Variants in PTPRD observed in about 807,000 individuals in gnomAD.
PTPRD encodes the protein protein tyrosine phosphatase receptor type D.
A neutral mutation model predicts 214.5 loss-of-function variants in PTPRD; 34 were observed. The observed-to-expected ratio is 0.16, with a 90% CI of 0.12 to 0.21. The LOEUF is 0.21. Ranked by LOEUF, PTPRD falls within the 10% of genes least tolerant of loss-of-function variation. The pLI is 1.00. For missense variants in PTPRD, 2,545 were observed against 2,398.7 expected, an observed-to-expected ratio of 1.06 and a Z score of -1.27; for synonymous variants, 1,128 against 845.7, an observed-to-expected ratio of 1.33 and a Z score of -5.79.
chr9:9,333,472 A>G lies in PTPRD; in HGVS notation c.-203+63977T>C, dbSNP rs188274067. 2.6e-3 allele frequency among the ~76,000 whole-genome samples: 360 copies of G among 139,414 alleles called. 1 individual carries two copies. Among genetic ancestry groups the G allele is most frequent in the African/African-American group, 9.6e-3 (344 of 35,760 alleles). 91.5% of individuals were successfully genotyped at this position (139,414 alleles called of 152,430 possible). On this transcript the variant is annotated intron_variant, in intron 9 of 45. Transcript: ENST00000381196. ...GCTACTTGGAAACAATGATATATAAATATATATAAAACATATATATTATAT... is the reference window on the plus strand; with the variant it reads ...GCTACTTGGAAACAATGATATATAAGTATATATAAAACATATATATTATAT...
intron 7 of PTPRD, among the ~76,000 whole-genome samples, chr9:9,651,140 C>A (rs992529687): frequency 1.3e-5 from 2 of 152,158 alleles, no homozygotes; most frequent in East Asian, 3.9e-4. Flanking sequence ...ATCACCAAAT[C>A]ATTGGTTCTT....
chr9:10,309,579 G>A (rs999985593), intron 3 of PTPRD, among the ~76,000 whole-genome samples: 1 of 150,098 alleles, frequency 6.7e-6, no homozygotes, highest in East Asian at 2.0e-4. Context: ...TGGTCAGGCT[G>A]GTTTCAAACT....
chr9:8,351,704 T>C (rs1008231455), intron 39 of PTPRD, among the ~76,000 whole-genome samples: 2 of 122,318 alleles, frequency 1.6e-5, no homozygotes, highest in African/African-American at 6.7e-5. Flanking sequence ...TAAGGGGATA[T>C]AGGAGTCATT....
At chr9:10,414,566 G>C (rs1011732307) in intron 2 of PTPRD, among the ~76,000 whole-genome samples, 114 of 151,912 alleles carry the variant, frequency 7.5e-4, no homozygotes, top group Admixed American at 7.4e-3. Flanking sequence ...ACTGTGATTT[G>C]ACTCAGCAAT....
rs147255118 is a variant in PTPRD at position 8,526,737 on chromosome 9, G to T, written c.551-93C>A. On this transcript the variant is annotated intron_variant, in intron 16 of 45. Coordinates refer to ENST00000381196, the MANE Select transcript of PTPRD (RefSeq NM_002839.4). ...AGGGCTGGGGAGAAGAATTAAATTAGATTTACAGAATTAAATAAGGTCTTA... is the reference window on the plus strand; with the variant it reads ...AGGGCTGGGGAGAAGAATTAAATTATATTTACAGAATTAAATAAGGTCTTA... The T allele has an allele frequency of 4.2e-4, 430 of 1,019,310 alleles. 2 individuals are homozygous for T. Among genetic ancestry groups the T allele is most frequent in the Non-Finnish European group, 5.7e-4 (400 of 702,242 alleles). The allele number at this position is 1,019,310 out of a possible 1,614,324, so 63.1% of individuals were successfully genotyped here. A position where few individuals can be genotyped will look rare whatever the true frequency, so the allele number is the denominator to read the frequency against.
intron 9 of PTPRD, among the ~76,000 whole-genome samples, chr9:9,335,976 A>C (rs943097301): frequency 5.9e-5 from 9 of 152,102 alleles, no homozygotes; most frequent in African/African-American, 2.2e-4. Flanking sequence ...ACTTTCAAAA[A>C]AGAAAGAAAG....
At chr9:8,601,878 G>A (rs1369689135) in intron 14 of PTPRD, among the ~76,000 whole-genome samples, 1 of 152,196 alleles carries the variant, frequency 6.6e-6, no homozygotes, top group Non-Finnish European at 1.5e-5. Context: ...CCTAGTCATT[G>A]TGCCAGATTG....
chr9:9,945,771 G>A (rs2092454649), intron 4 of PTPRD, among the ~76,000 whole-genome samples: 1 of 152,060 alleles, frequency 6.6e-6, no homozygotes, highest in Non-Finnish European at 1.5e-5. Context: ...ATGCTGAAAA[G>A]CAAACCTTAA....
chr9:9,930,469 G>C (rs1338866059), intron 5 of PTPRD, among the ~76,000 whole-genome samples: 1 of 152,122 alleles, frequency 6.6e-6, no homozygotes, highest in Admixed American at 6.5e-5. Flanking sequence ...TTTCTTGTAT[G>C]TTTGAGTTTT....
chr9:8,926,147 C>T (rs1357487976), intron 11 of PTPRD, among the ~76,000 whole-genome samples: 1 of 152,032 alleles, frequency 6.6e-6, no homozygotes, highest in Non-Finnish European at 1.5e-5. Context: ...CATCATACTC[C>T]ATTTGCCCAA....
intron 5 of PTPRD, among the ~76,000 whole-genome samples, chr9:9,785,193 G>A (rs1012126793): frequency 6.6e-6 from 1 of 151,748 alleles, no homozygotes; most frequent in African/African-American, 2.4e-5. Context: ...ATATAGAAAG[G>A]ATCAGAAAAA....
At chr9:9,907,835 T>G (rs1269421500) in intron 5 of PTPRD, among the ~76,000 whole-genome samples, 1 of 152,156 alleles carries the variant, frequency 6.6e-6, no homozygotes, top group Non-Finnish European at 1.5e-5. Flanking sequence ...AGTGAATCAC[T>G]TAACAGTTGT....
intron 9 of PTPRD, among the ~76,000 whole-genome samples, chr9:9,329,161 G>T (rs775707253): frequency 6.6e-6 from 1 of 151,906 alleles, no homozygotes; most frequent in African/African-American, 2.4e-5. Context: ...TAATGACAAC[G>T]AGAGTCATCC....
intron 14 of PTPRD, among the ~76,000 whole-genome samples, chr9:8,561,267 C>T (rs138725499): frequency 6.6e-6 from 1 of 152,194 alleles, no homozygotes; most frequent in African/African-American, 2.4e-5. Context: ...ACTCCTCATT[C>T]TGAGTCCATA....
chr9:9,019,677 T>C (rs527482212), intron 10 of PTPRD, among the ~76,000 whole-genome samples: 1 of 152,090 alleles, frequency 6.6e-6, no homozygotes, highest in African/African-American at 2.4e-5. Flanking sequence ...CTGCACTCCA[T>C]CCCAGGTGAC....
chr9:8,542,945 A>G (rs2078867604), intron 14 of PTPRD, among the ~76,000 whole-genome samples: 1 of 152,202 alleles, frequency 6.6e-6, no homozygotes, highest in Non-Finnish European at 1.5e-5. Flanking sequence ...TGAGCATGCA[A>G]GGGTAGTTTC....
At chr9:9,241,454 G>A in intron 9 of PTPRD, among the ~76,000 whole-genome samples, 1 of 152,084 alleles carries the variant, frequency 6.6e-6, no homozygotes, top group East Asian at 1.9e-4. Flanking sequence ...TGACTGGAAT[G>A]ACATATTTTA....
chr9:10,278,806 G>C (rs529974511), intron 3 of PTPRD, among the ~76,000 whole-genome samples: 6,598 of 151,376 alleles, frequency 0.044, 390 homozygotes, highest in Admixed American at 0.16. Flanking sequence ...ATGGAGTCTC[G>C]CTCTGTTGCC....
At chr9:8,834,684 A>C (rs1014455021) in intron 11 of PTPRD, among the ~76,000 whole-genome samples, 3 of 152,208 alleles carry the variant, frequency 2.0e-5, no homozygotes, top group Admixed American at 1.3e-4. Flanking sequence ...GAGACAAAGA[A>C]AGTGAGGATC....
Sources: allele counts gnomAD v4.1 joint callset (sites outside exome capture counted in the v4.1 genomes callset), GRCh38; gene constraint gnomAD v4.1.1; transcripts MANE v1.5; gene names NCBI Gene and HGNC (gene_info 2026-07-23, HGNC 2026-07-21).